SLC9A6: variants seen among roughly 807,000 people sequenced by gnomAD.
SLC9A6 encodes sodium/hydrogen exchanger 6.
Under a neutral mutation model 45.3 loss-of-function variants are expected in SLC9A6, and 6 were observed. The observed-to-expected ratio is 0.13, with a 90% CI of 0.07 to 0.26. The LOEUF is 0.26. Ranked by LOEUF, SLC9A6 falls within the 10% of genes least tolerant of loss-of-function variation. The pLI is 1.00. For missense variants in SLC9A6, 278 were observed against 503.7 expected, an observed-to-expected ratio of 0.55 and a Z score of 4.29; for synonymous variants, 191 against 187.7, an observed-to-expected ratio of 1.02 and a Z score of -0.14.
At chrX:136,036,177 G>C (rs981011763) in intron 16 of SLC9A6, among the ~76,000 whole-genome samples, 6 of 111,501 alleles carry the variant, frequency 5.4e-5, no homozygotes, top group Non-Finnish European at 1.1e-4. Flanking sequence ...GCAAATTAAG[G>C]GAGTTCTATT....
chrX:135,978,385 C>T (rs1261279170), intron 1 of SLC9A6, among the ~76,000 whole-genome samples: 1 of 111,955 alleles, frequency 8.9e-6, no homozygotes, highest in African/African-American at 3.2e-5. Flanking sequence ...GGCACGGTGG[C>T]TCACGCTTGT....
intron 11 of SLC9A6, among the ~76,000 whole-genome samples, chrX:136,019,775 A>G (rs2071088410): frequency 8.9e-6 from 1 of 112,132 alleles, no homozygotes; most frequent in Admixed American, 9.4e-5. Flanking sequence ...TAACGTTTGA[A>G]CTTTATTCTG....
chrX:136,013,734 A>G (rs1556618949), intron 10 of SLC9A6, among the ~76,000 whole-genome samples: 1 of 111,874 alleles, frequency 8.9e-6, no homozygotes, highest in African/African-American at 3.3e-5. Flanking sequence ...TTTAAGGGGA[A>G]TGTTTTGGAA....
At chrX:135,991,458 A>G (rs782615433) in intron 2 of SLC9A6, among the ~76,000 whole-genome samples, 260 of 110,635 alleles carry the variant, frequency 2.4e-3, no homozygotes, top group African/African-American at 8.4e-3. Context: ...AGGTTTCACT[A>G]TGTTGGCCAG....
chrX:136,012,896 T>C, intron 8 of SLC9A6, 53 bp from the exon 9 acceptor site: 1 of 916,362 alleles, frequency 1.1e-6, no homozygotes. Context: ...TGTTATTTTT[T>C]CTAGTCACAC....
chrX:136,014,420 G>A (rs1385697322), intron 10 of SLC9A6, among the ~76,000 whole-genome samples: 1 of 111,784 alleles, frequency 8.9e-6, no homozygotes, highest in Non-Finnish European at 1.9e-5. Flanking sequence ...GCTGGCAGGG[G>A]GCGGTGGGGG....
chrX:135,986,524 G>A (rs2089342539), intron 2 of SLC9A6, among the ~76,000 whole-genome samples: 2 of 111,404 alleles, frequency 1.8e-5, no homozygotes, highest in Admixed American at 1.9e-4. Context: ...ACGAGGAAGA[G>A]TTAAGGTCCT....
chrX:135,995,324 CTTTAT>C (rs1295720676), intron 3 of SLC9A6, among the ~76,000 whole-genome samples: 1 of 110,595 alleles, frequency 9.0e-6, no homozygotes, highest in Non-Finnish European at 1.9e-5. Context: ...CTTTTTCTTT[CTTTAT>C]TTTATTTTTT....
intron 8 of SLC9A6, 59 bp downstream of exon 8, chrX:136,010,642 AT>A: frequency 2.9e-6 from 3 of 1,051,536 alleles, no homozygotes; most frequent in Non-Finnish European, 4.0e-6. Context: ...TGAATGCTGT[AT>A]TCCGTTGTTT....
chrX:135,977,386 C>G (rs782748368), intron 1 of SLC9A6, among the ~76,000 whole-genome samples: 1 of 112,051 alleles, frequency 8.9e-6, no homozygotes, highest in South Asian at 3.7e-4. Context: ...ATCCCAGACT[C>G]ATCTTCAAGC....
At chrX:135,982,015 G>A (rs1168974679), upstream of SLC9A6, among the ~76,000 whole-genome samples, 1 of 112,471 alleles carries the variant, frequency 8.9e-6, no homozygotes, top group Non-Finnish European at 1.9e-5. Context: ...AACCATTATT[G>A]ATGGACACAG....
chrX:136,006,075 A>G (rs1485463657), intron 7 of SLC9A6, among the ~76,000 whole-genome samples: 1 of 111,924 alleles, frequency 8.9e-6, no homozygotes, highest in East Asian at 2.8e-4. Flanking sequence ...CATGCTCATC[A>G]TTCTTCATTT....
intron 11 of SLC9A6, among the ~76,000 whole-genome samples, chrX:136,018,059 C>G (rs112193569): frequency 1.8e-5 from 2 of 112,273 alleles, no homozygotes; most frequent in African/African-American, 6.5e-5. Flanking sequence ...CCTTTTGTAA[C>G]CTAATCTTTG....
intron 8 of SLC9A6, among the ~76,000 whole-genome samples, chrX:136,011,812 C>T (rs915792863): frequency 3.4e-4 from 38 of 111,401 alleles, no homozygotes; most frequent in African/African-American, 1.1e-3. Context: ...CAGCTCTGGC[C>T]TGGTGCAGTG....
intron 1 of SLC9A6, among the ~76,000 whole-genome samples, chrX:135,977,485 G>T (rs907495219): frequency 9.0e-6 from 1 of 111,709 alleles, no homozygotes; most frequent in Non-Finnish European, 1.9e-5. Context: ...ATTCTCCCTC[G>T]ATCTGGCACA....
intron 16 of SLC9A6, among the ~76,000 whole-genome samples, chrX:136,037,245 T>G (rs1175403784): frequency 8.9e-6 from 1 of 112,077 alleles, no homozygotes; most frequent in Non-Finnish European, 1.9e-5. Context: ...TACACACATG[T>G]GCATGTGCAC....
intron 2 of SLC9A6, among the ~76,000 whole-genome samples, chrX:135,988,744 G>A (rs1556615298): frequency 9.2e-6 from 1 of 108,854 alleles, no homozygotes. Context: ...GACTACAGGT[G>A]TGCATCACCA....
At chrX:135,999,828 T>G (rs1208450708) in intron 6 of SLC9A6, among the ~76,000 whole-genome samples, 2 of 111,624 alleles carry the variant, frequency 1.8e-5, no homozygotes, top group African/African-American at 6.5e-5. Flanking sequence ...CCTTGTAAGT[T>G]AATCATCTTT....
intron 7 of SLC9A6, among the ~76,000 whole-genome samples, chrX:136,002,506 C>T (rs1556617489): frequency 9.0e-6 from 1 of 110,547 alleles, no homozygotes; most frequent in East Asian, 2.8e-4. Context: ...ATTTTGTATT[C>T]GGTTTTAACA....
Sources: allele counts gnomAD v4.1 joint callset (sites outside exome capture counted in the v4.1 genomes callset), GRCh38; gene constraint gnomAD v4.1.1; transcripts MANE v1.5; gene names NCBI Gene and HGNC (gene_info 2026-07-23, HGNC 2026-07-21).